The following PTPRD variants were observed in gnomAD, a reference collection of about 807,000 sequenced individuals.
PTPRD encodes the protein receptor-type tyrosine-protein phosphatase delta.
A neutral mutation model predicts 214.5 loss-of-function variants in PTPRD; 34 were observed. The observed-to-expected ratio is 0.16, with a 90% CI of 0.12 to 0.21. The LOEUF (loss-of-function observed/expected upper bound fraction) is 0.21. Ranked by LOEUF, PTPRD falls within the 10% of genes least tolerant of loss-of-function variation. The pLI is 1.00. For synonymous variants in PTPRD, 1,128 were observed against 845.7 expected (o/e 1.33, Z -5.79); for missense variants, 2,545 against 2,398.7 (o/e 1.06, Z -1.27).
At chr9:9,911,754 C>T (rs1044684655) in intron 5 of PTPRD, among the ~76,000 whole-genome samples, 2 of 151,960 alleles carry the variant, frequency 1.3e-5, no homozygotes, top group South Asian at 2.1e-4. Context: ...TTTATTTCTA[C>T]TTTTAAGTAA....
rs139766170 is a variant in PTPRD, at chr9:9,469,390, C to T, written c.-236-71908G>A. Among the ~76,000 whole-genome samples, 154 of 152,222 alleles carry T rather than the reference C, an allele frequency of 1.0e-3. 1 individual carries two copies. The South Asian group carries it at 0.012, about 12-fold the overall frequency. On this transcript the variant is annotated intron_variant, in intron 8 of 45. Coordinates refer to ENST00000381196, the MANE Select transcript of PTPRD (RefSeq NM_002839.4). Reference sequence around the variant, plus strand: ...AAAGCTGGCAATGTTCCCCAGAGAACAGCCTTAAATCAAAAGGGCTCACTG... The same window carrying T: ...AAAGCTGGCAATGTTCCCCAGAGAATAGCCTTAAATCAAAAGGGCTCACTG...
At chr9:8,533,800 T>G (rs770455114) in intron 14 of PTPRD, among the ~76,000 whole-genome samples, 10 of 152,168 alleles carry the variant, frequency 6.6e-5, no homozygotes, top group Non-Finnish European at 1.5e-4. Flanking sequence ...AATTAGACAT[T>G]TTTATGATGC....
chr9:9,524,560 AC>A (rs2073563644), intron 8 of PTPRD, among the ~76,000 whole-genome samples: 1 of 152,154 alleles, frequency 6.6e-6, no homozygotes, highest in South Asian at 2.1e-4. Context: ...AAGAAAGCTT[AC>A]TTTCCTTTTG....
At chr9:8,806,260 G>A (rs575221057) in intron 11 of PTPRD, among the ~76,000 whole-genome samples, 1 of 148,390 alleles carries the variant, frequency 6.7e-6, no homozygotes, top group Non-Finnish European at 1.5e-5. Flanking sequence ...GGCGGGGGGG[G>A]GATTTTTAAG....
intron 2 of PTPRD, among the ~76,000 whole-genome samples, chr9:10,584,635 A>G (rs1032039867): frequency 9.9e-5 from 15 of 152,274 alleles, no homozygotes; most frequent in African/African-American, 3.6e-4. Flanking sequence ...TCTCTATGAT[A>G]TCTTCCTGTT....
chr9:9,273,130 ATTG>A (rs1943600570), intron 9 of PTPRD, among the ~76,000 whole-genome samples: 2 of 151,418 alleles, frequency 1.3e-5, no homozygotes, highest in Non-Finnish European at 3.0e-5. Flanking sequence ...CATGCATTCC[ATTG>A]TTAAGTGACC....
intron 8 of PTPRD, among the ~76,000 whole-genome samples, chr9:9,474,836 G>A (rs1452448241): frequency 1.3e-5 from 2 of 152,064 alleles, no homozygotes; most frequent in Non-Finnish European, 2.9e-5. Flanking sequence ...TTTTGTTGGA[G>A]TTTTTATAGA....
chr9:8,610,630 C>T (rs924539759), intron 14 of PTPRD, among the ~76,000 whole-genome samples: 3 of 152,152 alleles, frequency 2.0e-5, no homozygotes, highest in Non-Finnish European at 4.4e-5. Flanking sequence ...CACAGACTGA[C>T]CTTTAAAGTA....
intron 10 of PTPRD, among the ~76,000 whole-genome samples, chr9:9,088,882 A>G (rs927839532): frequency 1.3e-5 from 2 of 152,106 alleles, no homozygotes; most frequent in East Asian, 3.9e-4. Flanking sequence ...TGTTTCCTCA[A>G]TGTGTTATAA....
chr9:10,489,462 T>G (rs988282807), intron 2 of PTPRD, among the ~76,000 whole-genome samples: 1 of 152,154 alleles, frequency 6.6e-6, no homozygotes, highest in African/African-American at 2.4e-5. Context: ...TTAGCTGACC[T>G]AACTAGTGTC....
intron 9 of PTPRD, among the ~76,000 whole-genome samples, chr9:9,250,807 T>C (rs749523179): frequency 6.6e-6 from 1 of 151,824 alleles, no homozygotes; most frequent in Non-Finnish European, 1.5e-5. Flanking sequence ...GTGAAAAAAA[T>C]GAGTCCCAAC....
Position 8,919,863 on chromosome 9 carries a change from A to ATGTACATGCATGTATCATGCATACATAGG in PTPRD, c.-104+98833_-104+98834insCCTATGTATGCATGATACATGCATGTACA, listed in dbSNP as rs1263377065. On this transcript the variant is annotated intron_variant, in intron 11 of 45. Coordinates refer to ENST00000381196, the MANE Select transcript of PTPRD (RefSeq NM_002839.4). ...ACGTGCATGTATCATGCATACATAG[A>ATGTACATGCATGTATCATGCATACATAGG]TGTACATGCATGTATCATGCATACA... Among the ~76,000 whole-genome samples the ATGTACATGCATGTATCATGCATACATAGG allele has an allele frequency of 4.0e-5, 6 of 150,718 alleles. No homozygotes were observed. In the East Asian group the frequency reaches 9.7e-4, roughly 24 times the overall value.
chr9:8,927,893 T>C (rs1027548315), intron 11 of PTPRD, among the ~76,000 whole-genome samples: 1 of 152,144 alleles, frequency 6.6e-6, no homozygotes, highest in African/African-American at 2.4e-5. Context: ...TTTTAATGAT[T>C]GCCATTCTAA....
chr9:9,663,319 T>C (rs2096654921), intron 7 of PTPRD, among the ~76,000 whole-genome samples: 1 of 151,478 alleles, frequency 6.6e-6, no homozygotes, highest in Non-Finnish European at 1.5e-5. Context: ...TAAATATCTA[T>C]ATTTATATGA....
chr9:10,042,998 G>A (rs1344348077), intron 3 of PTPRD, among the ~76,000 whole-genome samples: 1 of 151,902 alleles, frequency 6.6e-6, no homozygotes, highest in African/African-American at 2.4e-5. Flanking sequence ...GAGAATACTT[G>A]AGTTCTAATC....
chr9:9,937,257 A>G (rs1321359578), intron 5 of PTPRD, among the ~76,000 whole-genome samples: 1 of 151,348 alleles, frequency 6.6e-6, no homozygotes, highest in Non-Finnish European at 1.5e-5. Flanking sequence ...AAAAATAAAA[A>G]ATAAATTACT....
chr9:8,682,915 T>G (rs945328558), intron 12 of PTPRD, among the ~76,000 whole-genome samples: 16 of 152,292 alleles, frequency 1.1e-4, no homozygotes, highest in African/African-American at 3.6e-4. Flanking sequence ...TGTTGCTATT[T>G]TGTTTTCAGT....
chr9:9,781,840 T>A (rs972208126), intron 5 of PTPRD, among the ~76,000 whole-genome samples: 1 of 151,262 alleles, frequency 6.6e-6, no homozygotes, highest in African/African-American at 2.4e-5. Context: ...TCGCCCAGGC[T>A]GGAGTGCAGT....
chr9:9,209,229 G>C (rs1221502614), intron 9 of PTPRD, among the ~76,000 whole-genome samples: 1 of 152,158 alleles, frequency 6.6e-6, no homozygotes, highest in East Asian at 1.9e-4. Context: ...GGAGAAGATA[G>C]AAATATATAT....
Sources: allele counts gnomAD v4.1 joint callset (sites outside exome capture counted in the v4.1 genomes callset), GRCh38; gene constraint gnomAD v4.1.1; transcripts MANE v1.5; gene names NCBI Gene and HGNC (gene_info 2026-07-23, HGNC 2026-07-21).